Variants in SGCD observed in about 807,000 individuals in gnomAD.
SGCD encodes the protein sarcoglycan delta, also known as delta-sarcoglycan.
A neutral mutation model predicts 36.6 loss-of-function variants in SGCD; 18 were observed. The observed-to-expected ratio is 0.49, with a 90% CI of 0.34 to 0.73. The LOEUF (loss-of-function observed/expected upper bound fraction) is 0.73, where lower values mean the gene tolerates loss of function less well. SGCD is among the 30% of genes least tolerant of loss of function. SGCD has a pLI of 0.01. For synonymous variants in SGCD, 133 were observed against 130.6 expected (o/e 1.02, Z -0.12); for missense variants, 387 against 346.7 (o/e 1.12, Z -0.92).
intron 3 of SGCD, among the ~76,000 whole-genome samples, chr5:156,173,288 A>G (rs1410901891): frequency 6.6e-6 from 1 of 152,218 alleles, no homozygotes; most frequent in African/African-American, 2.4e-5. Context: ...TGCCAAAAAG[A>G]TCATTTCCTG....
chr5:156,378,591 A>G (rs180675032), intron 3 of SGCD, among the ~76,000 whole-genome samples: 45 of 152,276 alleles, frequency 3.0e-4, no homozygotes, highest in African/African-American at 1.0e-3. Flanking sequence ...ATGACCATCA[A>G]TAAGCTCCCA....
chr5:156,346,622 A>C lies in SGCD; in HGVS notation c.192+1945A>C, dbSNP rs79439612. Reference sequence around the variant, plus strand: ...GCTAAGAGTTCAGTTCTTTTGAAAAATGCAGAAAATCTATATTGCAGTAGT... The same window carrying C: ...GCTAAGAGTTCAGTTCTTTTGAAAACTGCAGAAAATCTATATTGCAGTAGT... On this transcript the variant is annotated intron_variant, in intron 3 of 8. Transcript: ENST00000337851. Among the ~76,000 whole-genome samples, 111 of 152,188 alleles carry C rather than the reference A, an allele frequency of 7.3e-4. 1 individual carries two copies. The highest frequency in any genetic ancestry group is 6.0e-3 in the East Asian group (31 of 5,154).
At chr5:155,985,453 C>T (rs1758312023) in intron 1 of SGCD, among the ~76,000 whole-genome samples, 1 of 152,132 alleles carries the variant, frequency 6.6e-6, no homozygotes, top group South Asian at 2.1e-4. Flanking sequence ...TTCTTTCCGC[C>T]TCCTCTTTTA....
chr5:156,590,351 G>T (rs1760679024), intron 5 of SGCD, among the ~76,000 whole-genome samples: 1 of 152,062 alleles, frequency 6.6e-6, no homozygotes, highest in Admixed American at 6.5e-5. Context: ...ATAGCCAGTG[G>T]GTGACTTGGA....
intron 3 of SGCD, among the ~76,000 whole-genome samples, chr5:156,438,238 C>A (rs548867148): frequency 6.6e-6 from 1 of 152,134 alleles, no homozygotes; most frequent in Non-Finnish European, 1.5e-5. Context: ...GTAGTAATAA[C>A]CTGCTGTAAA....
At chr5:156,134,029 T>C (rs1415684287) in intron 3 of SGCD, among the ~76,000 whole-genome samples, 2 of 151,996 alleles carry the variant, frequency 1.3e-5, no homozygotes, top group African/African-American at 4.8e-5. Flanking sequence ...TTTAAATATA[T>C]TGTTTTCATA....
intron 1 of SGCD, among the ~76,000 whole-genome samples, chr5:156,050,395 A>G (rs886587614): frequency 6.8e-6 from 1 of 146,662 alleles, no homozygotes; most frequent in Non-Finnish European, 1.5e-5. Context: ...TAAAGGGTAC[A>G]TTTTTTATAC....
At chr5:156,750,537 G>T (rs1757111185) in intron 7 of SGCD, among the ~76,000 whole-genome samples, 1 of 151,884 alleles carries the variant, frequency 6.6e-6, no homozygotes, top group South Asian at 2.1e-4. Flanking sequence ...AATTAGCCAG[G>T]TGTGGTGGTG....
chr5:156,203,435 G>A (rs1764198968), intron 3 of SGCD, among the ~76,000 whole-genome samples: 1 of 152,070 alleles, frequency 6.6e-6, no homozygotes, highest in African/African-American at 2.4e-5. Flanking sequence ...TCAAAGGATA[G>A]GTTTTGAGAC....
intron 2 of SGCD, among the ~76,000 whole-genome samples, chr5:156,337,986 T>G (rs76869771): frequency 0.026 from 3,962 of 152,244 alleles, 71 homozygotes; most frequent in African/African-American, 0.047. Flanking sequence ...CAAGAGATTA[T>G]GAAGAAGCCT....
intron 3 of SGCD, among the ~76,000 whole-genome samples, chr5:156,303,518 T>C (rs1342243590): frequency 6.6e-6 from 1 of 151,804 alleles, no homozygotes; most frequent in African/African-American, 2.4e-5. Context: ...TCTCCTTTAC[T>C]CTTTTCTTTC....
chr5:156,283,547 A>C (rs1203743715), intron 3 of SGCD, among the ~76,000 whole-genome samples: 1 of 152,166 alleles, frequency 6.6e-6, no homozygotes, highest in East Asian at 1.9e-4. Context: ...ATCTCTGCTA[A>C]TATTGTGACA....
intron 3 of SGCD, among the ~76,000 whole-genome samples, chr5:156,439,717 T>G (rs1753400468): frequency 6.6e-6 from 1 of 152,184 alleles, no homozygotes; most frequent in African/African-American, 2.4e-5. Flanking sequence ...TGGAAGCTGC[T>G]TTAGCATGAA....
intron 3 of SGCD, among the ~76,000 whole-genome samples, chr5:156,383,460 C>T (rs770470161): frequency 1.2e-4 from 18 of 151,996 alleles, no homozygotes; most frequent in East Asian, 3.9e-4. Context: ...GCCAAGATCG[C>T]GCCACTGCAT....
chr5:156,436,875 A>G (rs1192759019), intron 3 of SGCD, among the ~76,000 whole-genome samples: 1 of 152,204 alleles, frequency 6.6e-6, no homozygotes, highest in African/African-American at 2.4e-5. Context: ...AGTCTGATAC[A>G]TGGAAAGGTG....
chr5:156,367,608 T>C (rs896608741), intron 3 of SGCD, among the ~76,000 whole-genome samples: 8 of 152,286 alleles, frequency 5.3e-5, no homozygotes, highest in Middle Eastern at 3.4e-3. Context: ...TAGCTGTAGA[T>C]CTTTGACCCT....
Position 156,759,301 on chromosome 5 carries a change from G to A in SGCD, c.784G>A (p.Glu262Lys), listed in dbSNP as rs121909297. The stretch of plus-strand genomic sequence containing the variant: ...TACAGGAACGAGGCAGAAGGTCTTC[G>A]AGATCTGCGTCTGCGCCAATGGGAG... ...TPTGTRQKVFEICVCANGRLF... is the reference protein window; with the variant it reads ...TPTGTRQKVFKICVCANGRLF... Residue 262 changes from glutamate (E) to lysine (K), a missense_variant, in exon 9 of 9, where the codon GAG becomes AAG. Glu to Lys is a moderately conservative substitution (Grantham distance 56). Coordinates refer to ENST00000337851, the MANE Select transcript of SGCD (RefSeq NM_000337.6). 1 of 1,613,594 alleles carries A rather than the reference G, an allele frequency of 6.2e-7. No individual in the cohort carries two copies. Among genetic ancestry groups the A allele is most frequent in the East Asian group, 2.2e-5 (1 of 44,882 alleles).
intron 3 of SGCD, among the ~76,000 whole-genome samples, chr5:156,145,989 G>A (rs750565462): frequency 6.7e-4 from 102 of 152,120 alleles, no homozygotes; most frequent in Non-Finnish European, 7.2e-4. Flanking sequence ...CAAGGTGGGC[G>A]GATCACGAGG....
At chr5:155,928,666 C>CA (rs58548934) in intron 1 of SGCD, among the ~76,000 whole-genome samples, 5,975 of 67,982 alleles carry the variant, frequency 0.088, 296 homozygotes, top group African/African-American at 0.11. Flanking sequence ...GACTCTGTCT[C>CA]AAAAAAAAAA....
Sources: allele counts gnomAD v4.1 joint callset (sites outside exome capture counted in the v4.1 genomes callset), GRCh38; gene constraint gnomAD v4.1.1; transcripts MANE v1.5; gene names NCBI Gene and HGNC (gene_info 2026-07-23, HGNC 2026-07-21).